The following EIF4E1B variants were observed in gnomAD, a reference collection of about 807,000 sequenced individuals.
The protein encoded by EIF4E1B is eukaryotic translation initiation factor 4E type 1B.
A neutral mutation model predicts 31.3 loss-of-function variants in EIF4E1B; 22 were observed. The observed-to-expected ratio is 0.70, with a 90% CI of 0.50 to 1.00. The LOEUF (loss-of-function observed/expected upper bound fraction) is 1.00, where lower values mean the gene tolerates loss of function less well. Ranked by LOEUF, EIF4E1B falls within the 50% of genes least tolerant of loss-of-function variation. The pLI, the probability that EIF4E1B is intolerant of heterozygous loss-of-function variation, is 0.00. For missense variants in EIF4E1B, 290 were observed against 311.6 expected, an observed-to-expected ratio of 0.93 and a Z score of 0.52; for synonymous variants, 126 against 120.2, an observed-to-expected ratio of 1.05 and a Z score of -0.31.
chr5:176,643,054 C>T, intron 3 of EIF4E1B, 28 bp from the exon 4 acceptor site: 1 of 1,585,174 alleles, frequency 6.3e-7, no homozygotes, highest in Non-Finnish European at 8.6e-7. Flanking sequence ...GAGCTCACAA[C>T]CCATCCTGAC....
chr5:176,637,192 A>C (rs965382193), intron 1 of EIF4E1B, among the ~76,000 whole-genome samples: 6 of 152,196 alleles, frequency 3.9e-5, no homozygotes, highest in Admixed American at 6.5e-5. Flanking sequence ...TAAGCCCAGC[A>C]CTTTGGGAGG....
intron 1 of EIF4E1B, among the ~76,000 whole-genome samples, chr5:176,634,599 T>C (rs1406424833): frequency 6.6e-6 from 1 of 152,028 alleles, no homozygotes; most frequent in African/African-American, 2.4e-5. Flanking sequence ...ACTATAACTT[T>C]ATATAATTTA....
rs552846832 is a variant in EIF4E1B at position 176,645,557 on chromosome 5, T to C, written c.614+41T>C. The C allele has an allele frequency of 2.7e-6, 4 of 1,494,048 alleles. No homozygotes were observed. The African/African-American group carries it at 5.6e-5, about 21-fold the overall frequency. The allele number at this position is 1,494,048 out of a possible 1,614,324, so 92.5% of individuals were successfully genotyped here. A position where few individuals can be genotyped will look rare whatever the true frequency, so the allele number is the denominator to read the frequency against. On this transcript the variant is annotated intron_variant, in intron 8 of 8. Transcript: ENST00000318682. The surrounding 1 kb of genome is among the most constrained non-coding windows in gnomAD (Gnocchi z 5.4). Reference sequence around the variant, plus strand: ...GGCACAGGGTGGGGACTTGGGTCTCTGCTAGAGGGAAGGTGGGTGGAGGGG... The same window carrying C: ...GGCACAGGGTGGGGACTTGGGTCTCCGCTAGAGGGAAGGTGGGTGGAGGGG...
At chr5:176,637,374 G>T (rs1427254948) in intron 1 of EIF4E1B, among the ~76,000 whole-genome samples, 1 of 152,202 alleles carries the variant, frequency 6.6e-6, no homozygotes, top group East Asian at 1.9e-4. Context: ...AGGAGGCAGA[G>T]GTTACAGTGG....
chr5:176,643,407 C>T, intron 4 of EIF4E1B, 141 bp downstream of exon 4: 1 of 1,130,628 alleles, frequency 8.8e-7, no homozygotes, highest in Non-Finnish European at 1.2e-6. Flanking sequence ...AAGCCTTGGG[C>T]CCTGTTGGCC....
At position 176,645,776 on chromosome 5, in the gene EIF4E1B, T is replaced by A; in HGVS notation, c.615-90T>A. ...ACAACAGGTGTGGCTGTGGCCAGAA[T>A]GAGGGTAGGAGTCTGGTGGCCTAAG... On this transcript the variant is annotated intron_variant, in intron 8 of 8. Coordinates refer to ENST00000318682, the MANE Select transcript of EIF4E1B (RefSeq NM_001099408.2). This position sits in a 1 kb window ranked among gnomAD's most constrained non-coding sequence, Gnocchi z 5.4. 8.1e-7 allele frequency: 1 copy of A among 1,236,762 alleles called. No homozygotes were observed. Among genetic ancestry groups the A allele is most frequent in the Non-Finnish European group, 1.1e-6 (1 of 901,100 alleles). The allele number at this position is 1,236,762 out of a possible 1,614,324, so 76.6% of individuals were successfully genotyped here. A position where few individuals can be genotyped will look rare whatever the true frequency, so the allele number is the denominator to read the frequency against.
chr5:176,643,173 C>T lies in EIF4E1B; in HGVS notation c.107C>T (p.Pro36Leu), dbSNP rs1760621556. The change falls in exon 4 of 9, where the codon CCA becomes CTA. Residue 36 changes from proline to leucine, a missense_variant. Physicochemically the swap from Pro to Leu is moderately conservative, Grantham distance 98. Transcript: ENST00000318682. Reference sequence around the variant, plus strand: ...AGGACGCCCACAGGAGAAAAGTCTCCAAACTCTCCCAGGACTTTGCTGTCT... The same window carrying T: ...AGGACGCCCACAGGAGAAAAGTCTCTAAACTCTCCCAGGACTTTGCTGTCT... The part of the protein sequence containing the change: ...AERTPTGEKS[P>L]NSPRTLLSLR... 3 of 1,613,690 alleles carry T rather than the reference C, an allele frequency of 1.9e-6. No individual in the cohort carries two copies. The highest frequency in any genetic ancestry group is 8.5e-7 in the Non-Finnish European group (1 of 1,179,884).
At chr5:176,642,849 T>TCTCCCCCCCCCCCCCCC in intron 3 of EIF4E1B, 47 bp downstream of exon 3, 1 of 1,181,920 alleles carries the variant, frequency 8.5e-7, no homozygotes. Flanking sequence ...GGCCCCGCCC[T>TCTCCCCCCCCCCCCCCC]CTCCCCCCCC....
Position 176,645,641 on chromosome 5 carries a change from C to A in EIF4E1B, c.614+125C>A. 7 of 1,351,750 alleles carry A rather than the reference C, an allele frequency of 5.2e-6. No individual in the cohort carries two copies. Among genetic ancestry groups the A allele is most frequent in the Non-Finnish European group, 6.9e-6 (7 of 1,020,628 alleles). The allele number at this position is 1,351,750 out of a possible 1,614,324, so 83.7% of individuals were successfully genotyped here. ...CATAGCCTCCCTCCCTTCTGCCTTG[C>A]CCACCTGTATGGAAGGTCTGGCGTT... On this transcript the variant is annotated intron_variant, in intron 8 of 8. Transcript: ENST00000318682. The surrounding 1 kb of genome is among the most constrained non-coding windows in gnomAD (Gnocchi z 5.4).
intron 3 of EIF4E1B, 59 bp downstream of exon 3, chr5:176,642,861 C>CCCCCCCG: frequency 2.7e-6 from 3 of 1,123,524 alleles, no homozygotes; most frequent in South Asian, 1.9e-5. Context: ...TCCCCCCCCC[C>CCCCCCCG]CCCCGCCCCA....
At chr5:176,642,828 C>T (rs759943190) in intron 3 of EIF4E1B, 26 bp downstream of exon 3, 4 of 1,541,234 alleles carry the variant, frequency 2.6e-6, no homozygotes, top group East Asian at 4.9e-5. Flanking sequence ...TCTCTACCCC[C>T]AGTGCACCAT....
Position 176,640,545 on chromosome 5 carries a change from A to G in EIF4E1B, c.-201-1498A>G, listed in dbSNP as rs61028683. ...TTCCTTCTACATACCCCTTGAGTCT[A>G]TTATCATCTCTCCATCTTCTCTGCC... On this transcript the variant is annotated intron_variant, in intron 1 of 8. Transcript: ENST00000318682. 8.8e-4 allele frequency among the ~76,000 whole-genome samples: 134 copies of G among 152,134 alleles called. 4 individuals are homozygous for G. In the East Asian group the frequency reaches 0.024, roughly 28 times the overall value.
Position 176,644,478 on chromosome 5 carries a change from A to AAGGGGG in EIF4E1B, c.360+44_360+45insGAGGGG. 4 of 1,110,326 alleles carry AAGGGGG rather than the reference A, an allele frequency of 3.6e-6. No homozygotes were observed. In the South Asian group the frequency reaches 5.2e-5, roughly 14 times the overall value. The allele number at this position is 1,110,326 out of a possible 1,614,324, so 68.8% of individuals were successfully genotyped here. On this transcript the variant is annotated intron_variant, in intron 6 of 8. Transcript: ENST00000318682. Reference sequence around the variant, plus strand: ...TCCTCTTTCCCTCCCGCAAAGGGACAAGGGGTTGATCCCTCCCGGACTCCA... The same window carrying AAGGGGG: ...TCCTCTTTCCCTCCCGCAAAGGGACAAGGGGGAGGGGTTGATCCCTCCCGGACTCCA...
chr5:176,631,619 T>C (rs1001131776), intron 1 of EIF4E1B, among the ~76,000 whole-genome samples: 1 of 146,902 alleles, frequency 6.8e-6, no homozygotes, highest in African/African-American at 2.5e-5. Flanking sequence ...GACAGGTAAT[T>C]AGGCGAGGGG....
Position 176,646,083 on chromosome 5 carries a change from C to A in EIF4E1B, c.*103C>A. On this transcript the variant is annotated 3_prime_UTR_variant, in exon 9 of 9. Coordinates refer to ENST00000318682, the MANE Select transcript of EIF4E1B (RefSeq NM_001099408.2). ...GGGGATCAGACAGCCTAGTTCTTAC[C>A]TGTCCTCAAGTGAACAGGAATGCAA... The A allele has an allele frequency of 9.9e-7, 1 of 1,006,160 alleles. No homozygotes were observed. The highest frequency in any genetic ancestry group is 1.5e-6 in the Non-Finnish European group (1 of 671,192). 62.3% of individuals were successfully genotyped at this position (1,006,160 alleles called of 1,614,324 possible).
At chr5:176,641,790 A>C (rs898729160) in intron 1 of EIF4E1B, 2 of 152,482 alleles carry the variant, frequency 1.3e-5, no homozygotes, top group African/African-American at 4.8e-5. Context: ...GGAGGAGGCA[A>C]AACTTTAAAG....
rs376574324 is a variant in EIF4E1B at position 176,644,366 on chromosome 5, C to T, written c.297-10C>T. The T allele has an allele frequency of 5.1e-5, 80 of 1,583,606 alleles. 1 individual carries two copies. The African/African-American group carries it at 1.0e-3, about 20-fold the overall frequency. On this transcript the variant is annotated splice_polypyrimidine_tract_variant and intron_variant, in intron 5 of 8. Transcript: ENST00000318682. ...TTGACTTTTGGCATGGGGTCGGGGG[C>T]TCTGTCCAGGCTATACAGTCACATC...
At chr5:176,633,139 T>C (rs1581182971) in intron 1 of EIF4E1B, among the ~76,000 whole-genome samples, 1 of 152,338 alleles carries the variant, frequency 6.6e-6, no homozygotes, top group South Asian at 2.1e-4. Flanking sequence ...ATTTGGGGCA[T>C]CATTTCAGGC....
rs1333074907 is a variant in EIF4E1B at position 176,646,183 on chromosome 5, C to T, written c.*203C>T. 1 of 538,520 alleles carries T rather than the reference C, an allele frequency of 1.9e-6. No individual in the cohort carries two copies. Among genetic ancestry groups the T allele is most frequent in the Non-Finnish European group, 3.4e-6 (1 of 297,480 alleles). 33.4% of individuals were successfully genotyped at this position (538,520 alleles called of 1,614,324 possible). On this transcript the variant is annotated 3_prime_UTR_variant, in exon 9 of 9. Coordinates refer to ENST00000318682, the MANE Select transcript of EIF4E1B (RefSeq NM_001099408.2). ...TAGTGGTGGCAGTCTGAGGACCTAG[C>T]TTGTCCTGGGGCCACAGGACAGCAG...
Sources: allele counts gnomAD v4.1 joint callset (sites outside exome capture counted in the v4.1 genomes callset), GRCh38; gene constraint gnomAD v4.1.1; non-coding constraint Gnocchi (gnomAD v3.1); transcripts MANE v1.5; gene names NCBI Gene and HGNC (gene_info 2026-07-23, HGNC 2026-07-21).